The following DIAPH1 variants were observed in gnomAD, a reference collection of about 807,000 sequenced individuals.
The protein encoded by DIAPH1 is protein diaphanous homolog 1.
Under a neutral mutation model 140.7 loss-of-function variants are expected in DIAPH1, and 46 were observed. That is an observed-to-expected ratio of 0.33 (90% CI 0.26 to 0.42). DIAPH1 has a LOEUF of 0.42. DIAPH1 is among the 10% of genes least tolerant of loss of function. DIAPH1 has a pLI of 1.00. For missense variants in DIAPH1, 1,310 were observed against 1,558.7 expected (o/e 0.84, Z 2.69); for synonymous variants, 565 against 551.6 (o/e 1.02, Z -0.34).
chr5:141,615,598 C>G (rs2099902552), intron 1 of DIAPH1, among the ~76,000 whole-genome samples: 1 of 151,894 alleles, frequency 6.6e-6, no homozygotes, highest in South Asian at 2.1e-4. Flanking sequence ...AAAAAATTAG[C>G]CAGGCGTGGT....
rs181724235 is a variant in DIAPH1 at position 141,573,296 on chromosome 5, G to A, written c.2358+196C>T. Among the ~76,000 whole-genome samples, 562 of 152,154 alleles carry A rather than the reference G, an allele frequency of 3.7e-3. 5 individuals are homozygous for A. Among genetic ancestry groups the A allele is most frequent in the Admixed American group, 0.011 (163 of 15,290 alleles). ...CTAAAAATACAAAAATTAGCCGGGC[G>A]TGGTGGCGCGCGCCTATAGTCCCAG... is the stretch of plus-strand genomic sequence containing the variant. On this transcript the variant is annotated intron_variant, in intron 16 of 27. Coordinates refer to ENST00000389054, the MANE Select transcript of DIAPH1 (RefSeq NM_005219.5).
intron 18 of DIAPH1, chr5:141,560,741 G>T: frequency 4.9e-6 from 2 of 404,086 alleles, no homozygotes; most frequent in South Asian, 3.6e-5. Context: ...CCATAACAAA[G>T]GATTCTAGAA....
chr5:141,579,903 G>A (rs112027720), intron 8 of DIAPH1, among the ~76,000 whole-genome samples: 1 of 150,134 alleles, frequency 6.7e-6, no homozygotes, highest in African/African-American at 2.5e-5. Flanking sequence ...GGCCGAGATC[G>A]CGCCACTGCA....
rs557727092 is a variant in DIAPH1, at chr5:141,515,242, G to A, written c.*1609C>T. The A allele has an allele frequency of 6.6e-6, 1 of 152,604 alleles. No individual in the cohort carries two copies. Among genetic ancestry groups the A allele is most frequent in the African/African-American group, 2.4e-5 (1 of 41,530 alleles). The allele number at this position is 152,604 out of a possible 1,614,324, so 9.5% of individuals were successfully genotyped here. ...CGAGCAGGGAGGAGGTGACCCAGGG[G>A]AGCAACAGACGCCCTGCATCAGAGT... On this transcript the variant is annotated 3_prime_UTR_variant, in exon 28 of 28. Coordinates refer to ENST00000389054, the MANE Select transcript of DIAPH1 (RefSeq NM_005219.5).
intron 18 of DIAPH1, among the ~76,000 whole-genome samples, chr5:141,546,766 C>T (rs556177735): frequency 6.6e-6 from 1 of 152,190 alleles, no homozygotes; most frequent in East Asian, 1.9e-4. Context: ...AGAAAGACTA[C>T]ACTCTAGGAA....
intron 1 of DIAPH1, among the ~76,000 whole-genome samples, chr5:141,606,781 G>T (rs1007848749): frequency 1.3e-5 from 2 of 151,982 alleles, no homozygotes; most frequent in African/African-American, 4.8e-5. Flanking sequence ...TATCTCTCCA[G>T]AGATGAATAA....
chr5:141,566,455 T>C (rs931539834), intron 18 of DIAPH1, among the ~76,000 whole-genome samples: 17 of 152,208 alleles, frequency 1.1e-4, no homozygotes, highest in Admixed American at 1.3e-4. Flanking sequence ...GACATAACGA[T>C]GTCATAAGAT....
In DIAPH1 at chr5:141,573,946, C is replaced by A; in HGVS notation, c.1904G>T (p.Gly635Val). Residue 635 changes from glycine to valine, a missense_variant, in exon 16 of 28, where the codon GGA (glycine) becomes GTA (valine). Coordinates refer to ENST00000389054, the MANE Select transcript of DIAPH1 (RefSeq NM_005219.5). ...AGGGGGTGGAGAGATAGCAGTACCTCCAGGTAAAGAAGGGGGTGAGGAGAT... is the reference window on the plus strand; with the variant it reads ...AGGGGGTGGAGAGATAGCAGTACCTACAGGTAAAGAAGGGGGTGAGGAGAT... ...VCISSPPSLP[G>V]GTAISPPPPL... 6.5e-7 allele frequency: 1 copy of A among 1,548,016 alleles called. No homozygotes were observed.
rs1187897922 is a variant in DIAPH1 at position 141,591,694 on chromosome 5, G to GGA, written c.118-3446_118-3445dup. On this transcript the variant is annotated intron_variant, in intron 1 of 27. Transcript: ENST00000389054. The stretch of plus-strand genomic sequence containing the variant: ...ATGGAAAAGGAAGGAAGGGAGATGG[G>GGA]GATATATATATATATATATATATAT... 1.4e-3 allele frequency among the ~76,000 whole-genome samples: 74 copies of GGA among 53,856 alleles called. 1 individual carries two copies. Among genetic ancestry groups the GGA allele is most frequent in the African/African-American group, 8.1e-3 (61 of 7,560 alleles). 35.3% of individuals were successfully genotyped at this position (53,856 alleles called of 152,430 possible).
At chr5:141,533,371 C>T (rs763289912) in intron 19 of DIAPH1, among the ~76,000 whole-genome samples, 2 of 152,170 alleles carry the variant, frequency 1.3e-5, no homozygotes, top group African/African-American at 2.4e-5. Context: ...ATCAACTTTG[C>T]AGAGGAATTT....
chr5:141,529,705 A>G lies in DIAPH1; in HGVS notation c.2582-8T>C, dbSNP rs1475918331. ...AGGAACCCAAAAAGATTGCTGCCAG[A>G]AAATGAGATATTAAGACATGTTCTT... On this transcript the variant is annotated splice_region_variant and splice_polypyrimidine_tract_variant and intron_variant, in intron 19 of 27. Transcript: ENST00000389054. The G allele has an allele frequency of 6.2e-7, 1 of 1,610,126 alleles. No homozygotes were observed.
At chr5:141,571,276 G>A in intron 18 of DIAPH1, 152 bp downstream of exon 18, 1 of 647,396 alleles carries the variant, frequency 1.5e-6, no homozygotes, top group South Asian at 2.0e-5. Flanking sequence ...TTGAACTCCA[G>A]GGGAGGAAAC....
intron 18 of DIAPH1, among the ~76,000 whole-genome samples, chr5:141,562,247 TTACTC>T (rs1458437658): frequency 1.2e-4 from 18 of 152,130 alleles, no homozygotes; most frequent in African/African-American, 3.1e-4. Flanking sequence ...AATTATTTCA[TTACTC>T]TACTTTTGTT....
intron 16 of DIAPH1, among the ~76,000 whole-genome samples, chr5:141,573,079 A>G (rs1368126090): frequency 1.3e-5 from 2 of 152,236 alleles, no homozygotes; most frequent in African/African-American, 4.8e-5. Flanking sequence ...AGAAAGATGA[A>G]AGCCTTAAGG....
chr5:141,610,276 C>T (rs552059171), intron 1 of DIAPH1, among the ~76,000 whole-genome samples: 3 of 152,066 alleles, frequency 2.0e-5, no homozygotes, highest in Non-Finnish European at 4.4e-5. Context: ...GGATTACAGG[C>T]ACCCACCACC....
At chr5:141,542,874 T>G (rs887409250) in intron 18 of DIAPH1, among the ~76,000 whole-genome samples, 5 of 152,352 alleles carry the variant, frequency 3.3e-5, no homozygotes, top group African/African-American at 1.2e-4. Context: ...ATAAAATTGT[T>G]TATTGTCTTA....
At chr5:141,603,450 A>T (rs917794900) in intron 1 of DIAPH1, among the ~76,000 whole-genome samples, 1 of 152,264 alleles carries the variant, frequency 6.6e-6, no homozygotes, top group African/African-American at 2.4e-5. Flanking sequence ...AATATCTTTT[A>T]TTCCTAATTA....
chr5:141,618,680 G>A, intron 1 of DIAPH1, 118 bp downstream of exon 1: 2 of 663,242 alleles, frequency 3.0e-6, no homozygotes, highest in South Asian at 1.8e-5. Flanking sequence ...CGAGCGAAAC[G>A]AGGAAGGAAG....
chr5:141,596,237 G>A (rs2154596964), intron 1 of DIAPH1, among the ~76,000 whole-genome samples: 1 of 152,182 alleles, frequency 6.6e-6, no homozygotes, highest in Admixed American at 6.5e-5. Context: ...GGAGGCTGAG[G>A]CAGGAGAATC....
Sources: allele counts gnomAD v4.1 joint callset (sites outside exome capture counted in the v4.1 genomes callset), GRCh38; gene constraint gnomAD v4.1.1; transcripts MANE v1.5; gene names NCBI Gene and HGNC (gene_info 2026-07-23, HGNC 2026-07-21).